PSD2: variants seen among roughly 807,000 people sequenced by gnomAD.
The protein encoded by PSD2 is pleckstrin and Sec7 domain containing 2.
PSD2 carries 38 observed loss-of-function variants against 69.8 expected under a neutral mutation model. The observed-to-expected ratio is 0.54, with a 90% CI of 0.42 to 0.71. The LOEUF (loss-of-function observed/expected upper bound fraction) is 0.71, where lower values mean the gene tolerates loss of function less well. Among genes scored for constraint, PSD2 ranks in the 30% least tolerant of loss-of-function variants. The pLI is 0.00. For synonymous variants in PSD2, 412 were observed against 423.0 expected (o/e 0.97, Z 0.32); for missense variants, 943 against 1,014.5 (o/e 0.93, Z 0.96).
the PSD2 span, among the ~76,000 whole-genome samples, chr5:139,782,447 G>C: frequency 1.3e-5 from 2 of 151,012 alleles, no homozygotes; most frequent in Admixed American, 6.6e-5. Context: ...GCCTCCCAGA[G>C]TGCTGGGATT....
chr5:139,833,551 A>G (rs1167184365), intron 7 of PSD2, 151 bp from the exon 8 acceptor site: 3 of 658,044 alleles, frequency 4.6e-6, no homozygotes, highest in African/African-American at 3.5e-5. Context: ...AGAGTTTTGT[A>G]AACTCTTGGA....
chr5:139,766,940 T>TCTTTCTTTCTTTCTTTCTTTCTTC, the PSD2 span, among the ~76,000 whole-genome samples: 2 of 99,538 alleles, frequency 2.0e-5, no homozygotes, highest in Non-Finnish European at 4.1e-5. Context: ...CTTCTTTCTT[T>TCTTTCTTTCTTTCTTTCTTTCTTC]CTTTCTTTCT....
At chr5:139,816,440 G>A (rs185243411) in intron 4 of PSD2, among the ~76,000 whole-genome samples, 11 of 152,254 alleles carry the variant, frequency 7.2e-5, no homozygotes, top group Admixed American at 5.2e-4. Flanking sequence ...GCAGTTTGGC[G>A]GTCCTCCTCC....
At chr5:139,813,966 G>T (rs1401749251) in intron 3 of PSD2, among the ~76,000 whole-genome samples, 1 of 151,918 alleles carries the variant, frequency 6.6e-6, no homozygotes, top group Admixed American at 6.5e-5. Flanking sequence ...GGTAGAAGTC[G>T]GGGGAGTCAG....
At chr5:139,766,912 C>CTCT in the PSD2 span, among the ~76,000 whole-genome samples, 3 of 64,844 alleles carry the variant, frequency 4.6e-5, no homozygotes, top group Admixed American at 4.6e-4. Context: ...TCCCTCCCTT[C>CTCT]CTTCCTTCCT....
the PSD2 span, among the ~76,000 whole-genome samples, chr5:139,757,212 C>A: frequency 6.6e-6 from 1 of 152,190 alleles, no homozygotes; most frequent in African/African-American, 2.4e-5. Flanking sequence ...GTGTGAGAAG[C>A]CAGTGGAGTC....
At chr5:139,817,804 C>T (rs902517003) in intron 5 of PSD2, among the ~76,000 whole-genome samples, 1 of 152,182 alleles carries the variant, frequency 6.6e-6, no homozygotes, top group Admixed American at 6.5e-5. Flanking sequence ...GGAAGGGAGG[C>T]TCAGGACTTG....
rs139779801 is a variant in PSD2, at chr5:139,797,973, G to A, written c.-51+1998G>A. On this transcript the variant is annotated intron_variant, in intron 1 of 14. Transcript: ENST00000274710. ...CACTAAGCTGTAGTTTCCTAGGGAG[G>A]TGGGATCAAGGCATTCCCATTCCGG... Among the ~76,000 whole-genome samples the A allele has an allele frequency of 1.7e-3, 253 of 152,328 alleles. 1 individual carries two copies. Among genetic ancestry groups the A allele is most frequent in the African/African-American group, 5.9e-3 (244 of 41,574 alleles).
chr5:139,830,823 C>CT (rs60786662), intron 7 of PSD2, among the ~76,000 whole-genome samples: 2,839 of 82,920 alleles, frequency 0.034, 75 homozygotes, highest in Non-Finnish European at 0.045. Flanking sequence ...CCTGGACTTG[C>CT]TTTTTTTTTT....
chr5:139,771,533 C>T, the PSD2 span, among the ~76,000 whole-genome samples: 3 of 152,180 alleles, frequency 2.0e-5, no homozygotes, highest in Admixed American at 2.0e-4. Flanking sequence ...CGCCCGCCAC[C>T]ACGCCCGGCT....
At chr5:139,766,748 G>A in the PSD2 span, among the ~76,000 whole-genome samples, 1 of 152,192 alleles carries the variant, frequency 6.6e-6, no homozygotes, top group Non-Finnish European at 1.5e-5. Flanking sequence ...GCTCTAGGGC[G>A]AATAGAGGGG....
intron 2 of PSD2, among the ~76,000 whole-genome samples, chr5:139,810,836 T>G (rs955223642): frequency 1.3e-5 from 2 of 151,990 alleles, no homozygotes; most frequent in Non-Finnish European, 2.9e-5. Context: ...GCACACCGTA[T>G]TGAGGTGGCA....
At chr5:139,769,686 C>T in the PSD2 span, among the ~76,000 whole-genome samples, 1 of 152,208 alleles carries the variant, frequency 6.6e-6, no homozygotes. Flanking sequence ...GATGCCCCAC[C>T]TTCACCTCCT....
Position 139,837,656 on chromosome 5 carries a change from A to T in PSD2, c.1697A>T (p.Glu566Val), listed in dbSNP as rs1760769445. 6.2e-7 allele frequency: 1 copy of T among 1,613,526 alleles called. No homozygotes were observed. Among genetic ancestry groups the T allele is most frequent in the African/African-American group, 1.3e-5 (1 of 74,918 alleles). ...TACAGGCCTGACAAAGCTCTATCGGAGGGTGACCTGAAGAACGCCATTCGC... is the reference window on the plus strand; with the variant it reads ...TACAGGCCTGACAAAGCTCTATCGGTGGGTGACCTGAAGAACGCCATTCGC... ...DEYRPDKALSEGDLKNAIRVH... is the reference protein window; with the variant it reads ...DEYRPDKALSVGDLKNAIRVH... Residue 566 changes from glutamate to valine, a missense_variant, in exon 12 of 15, where the codon GAG becomes GTG. By Grantham distance (121) the Glu-to-Val change is moderately radical. This residue lies in a region of PSD2 where 312 missense variants were observed against 400.7 expected (regional missense o/e 0.78). Coordinates refer to ENST00000274710, the MANE Select transcript of PSD2 (RefSeq NM_032289.4). This position sits in a 1 kb window ranked among gnomAD's most constrained non-coding sequence, Gnocchi z 5.0.
In PSD2 at chr5:139,817,380, G is replaced by A. The variant is rs926434078; in HGVS notation, c.1017-101G>A. Reference sequence around the variant, plus strand: ...GCCTAGGGGTTGAGCAGGTCTAGGGGGTGGGTGGGTCCGGGTACCCTGGGC... The same window carrying A: ...GCCTAGGGGTTGAGCAGGTCTAGGGAGTGGGTGGGTCCGGGTACCCTGGGC... On this transcript the variant is annotated intron_variant, in intron 4 of 14. Coordinates refer to ENST00000274710, the MANE Select transcript of PSD2 (RefSeq NM_032289.4). 1.0e-5 allele frequency: 10 copies of A among 956,360 alleles called. No homozygotes were observed. The African/African-American group carries it at 1.6e-4, about 15-fold the overall frequency. 59.2% of individuals were successfully genotyped at this position (956,360 alleles called of 1,614,324 possible).
At chr5:139,766,723 A>T in the PSD2 span, among the ~76,000 whole-genome samples, 1 of 152,226 alleles carries the variant, frequency 6.6e-6, no homozygotes, top group African/African-American at 2.4e-5. Context: ...TGAGACACCC[A>T]GCAGGTTAAG....
chr5:139,776,488 G>T, the PSD2 span, among the ~76,000 whole-genome samples: 1 of 152,156 alleles, frequency 6.6e-6, no homozygotes, highest in South Asian at 2.1e-4. Flanking sequence ...GTCCAGAAAC[G>T]GCTGGATGAC....
intron 5 of PSD2, among the ~76,000 whole-genome samples, chr5:139,818,118 G>T (rs1760168995): frequency 6.6e-6 from 1 of 152,188 alleles, no homozygotes; most frequent in African/African-American, 2.4e-5. Context: ...GCAGGCTCTG[G>T]TGGCAGGGGC....
the PSD2 span, among the ~76,000 whole-genome samples, chr5:139,763,263 C>G: frequency 1.3e-5 from 2 of 152,148 alleles, no homozygotes; most frequent in African/African-American, 4.8e-5. Flanking sequence ...GAACCTCACA[C>G]CCATTCCTCC....
Sources: allele counts gnomAD v4.1 joint callset (sites outside exome capture counted in the v4.1 genomes callset), GRCh38; gene constraint gnomAD v4.1.1; regional missense constraint gnomAD v4.1.1; non-coding constraint Gnocchi (gnomAD v3.1); transcripts MANE v1.5; gene names NCBI Gene and HGNC (gene_info 2026-07-23, HGNC 2026-07-21).